Variants in NELL2 observed in about 807,000 individuals in gnomAD.
NELL2 encodes neural EGFL like 2.
NELL2 carries 41 observed loss-of-function variants against 109.6 expected under a neutral mutation model. The ratio of observed to expected loss-of-function variants is 0.37; its 90% CI spans 0.29 to 0.49. The LOEUF is 0.49. NELL2 is among the 20% of genes least tolerant of loss of function. The pLI, the probability that NELL2 is intolerant of heterozygous loss-of-function variation, is 0.98. For synonymous variants in NELL2, 355 were observed against 344.7 expected, an observed-to-expected ratio of 1.03 and a Z score of -0.33; for missense variants, 900 against 1,008.3, an observed-to-expected ratio of 0.89 and a Z score of 1.45.
At chr12:44,899,480 T>C (rs1945634762) in intron 1 of NELL2, among the ~76,000 whole-genome samples, 5 of 152,096 alleles carry the variant, frequency 3.3e-5, no homozygotes, top group Admixed American at 3.3e-4. Context: ...AGGGAAAGAA[T>C]TTTCCACCCA....
At chr12:44,697,607 T>C (rs983730362) in intron 12 of NELL2, among the ~76,000 whole-genome samples, 1 of 152,152 alleles carries the variant, frequency 6.6e-6, no homozygotes, top group African/African-American at 2.4e-5. Context: ...CAACTGGATA[T>C]AAGCCAATAT....
chr12:44,564,908 C>T lies in NELL2; in HGVS notation c.1664-32187G>A, dbSNP rs145385949. 7.9e-4 allele frequency among the ~76,000 whole-genome samples: 120 copies of T among 152,252 alleles called. 3 individuals are homozygous for T. The East Asian group carries it at 0.016, about 20-fold the overall frequency. On this transcript the variant is annotated intron_variant, in intron 15 of 19. Transcript: ENST00000429094. Reference sequence around the variant, plus strand: ...TCAACCCATGCACATTTGGAAGCTCCGCTTGAGAGTTAAACATTGAAAACA... The same window carrying T: ...TCAACCCATGCACATTTGGAAGCTCTGCTTGAGAGTTAAACATTGAAAACA...
chr12:44,789,832 T>C (rs1393383251), intron 3 of NELL2, among the ~76,000 whole-genome samples: 1 of 152,156 alleles, frequency 6.6e-6, no homozygotes, highest in Non-Finnish European at 1.5e-5. Flanking sequence ...CAAAGTGCTT[T>C]GGAAAGTCTC....
chr12:44,556,068 C>T (rs1943241460), intron 15 of NELL2, among the ~76,000 whole-genome samples: 1 of 152,152 alleles, frequency 6.6e-6, no homozygotes, highest in Non-Finnish European at 1.5e-5. Context: ...GCTTCTTTTG[C>T]CTGCATAATA....
chr12:44,864,936 A>G (rs2136817660), intron 2 of NELL2, among the ~76,000 whole-genome samples: 1 of 149,154 alleles, frequency 6.7e-6, no homozygotes, highest in East Asian at 2.0e-4. Flanking sequence ...ATCCCTGAGG[A>G]ATCGCCACAC....
intron 1 of NELL2, among the ~76,000 whole-genome samples, chr12:44,904,930 T>C (rs1357636663): frequency 6.6e-6 from 1 of 152,128 alleles, no homozygotes; most frequent in Non-Finnish European, 1.5e-5. Flanking sequence ...TATTCTATCA[T>C]GATTTCCCCA....
chr12:44,636,707 A>G (rs207472900), intron 13 of NELL2, among the ~76,000 whole-genome samples: 5 of 152,054 alleles, frequency 3.3e-5, no homozygotes, highest in Non-Finnish European at 5.9e-5. Context: ...GAGGATTTTC[A>G]TATCAATGTT....
intron 12 of NELL2, among the ~76,000 whole-genome samples, chr12:44,683,527 G>T (rs919226591): frequency 6.6e-6 from 1 of 151,962 alleles, no homozygotes; most frequent in African/African-American, 2.4e-5. Context: ...TCCAGTTTTT[G>T]CCCATTCAGT....
chr12:44,656,877 C>T, intron 13 of NELL2, among the ~76,000 whole-genome samples: 1 of 152,082 alleles, frequency 6.6e-6, no homozygotes, highest in East Asian at 1.9e-4. Context: ...TATTGTTTGT[C>T]CATACAATAA....
upstream of NELL2, among the ~76,000 whole-genome samples, chr12:44,879,942 T>C (rs1945391954): frequency 6.6e-6 from 1 of 151,814 alleles, no homozygotes; most frequent in African/African-American, 2.4e-5. Flanking sequence ...AAAAGTAGCA[T>C]TAAACTCCCA....
chr12:44,714,842 T>C, intron 9 of NELL2, 101 bp from the exon 10 acceptor site: 1 of 631,828 alleles, frequency 1.6e-6, no homozygotes, highest in South Asian at 3.0e-5. Flanking sequence ...ATACACCTTT[T>C]TTCAACATGT....
At chr12:44,842,296 C>G (rs1506677) in intron 2 of NELL2, among the ~76,000 whole-genome samples, 48,207 of 151,860 alleles carry the variant, frequency 0.32, 8,476 homozygotes, top group Non-Finnish European at 0.4. Flanking sequence ...GACATATTTA[C>G]GTGTTCAATA....
chr12:44,725,936 C>A (rs1939056392), intron 9 of NELL2, among the ~76,000 whole-genome samples: 1 of 152,046 alleles, frequency 6.6e-6, no homozygotes, highest in Admixed American at 6.6e-5. Context: ...ATACTATGTA[C>A]AACAAACCCC....
At chr12:44,795,506 T>C (rs1942586912) in intron 3 of NELL2, among the ~76,000 whole-genome samples, 1 of 152,110 alleles carries the variant, frequency 6.6e-6, no homozygotes, top group Admixed American at 6.5e-5. Flanking sequence ...ACTCAGTAAA[T>C]GGTAACTATT....
At chr12:44,791,183 C>CAT (rs748283455) in intron 3 of NELL2, among the ~76,000 whole-genome samples, 799 of 14,874 alleles carry the variant, frequency 0.054, 67 homozygotes, top group East Asian at 0.068. Context: ...AGTATTCCAT[C>CAT]ATATATATAT....
At chr12:44,652,767 T>C (rs1378660629) in intron 13 of NELL2, among the ~76,000 whole-genome samples, 1 of 152,216 alleles carries the variant, frequency 6.6e-6, no homozygotes, top group Non-Finnish European at 1.5e-5. Context: ...AAGTCCAACA[T>C]ACATCTACCA....
chr12:44,722,009 G>A (rs957970354), intron 9 of NELL2, among the ~76,000 whole-genome samples: 2 of 152,030 alleles, frequency 1.3e-5, no homozygotes, highest in African/African-American at 4.8e-5. Context: ...ATGGCACAAA[G>A]AGGAGGGAAG....
intron 2 of NELL2, among the ~76,000 whole-genome samples, chr12:44,834,924 G>A (rs1395127060): frequency 1.3e-5 from 2 of 152,130 alleles, no homozygotes; most frequent in South Asian, 2.1e-4. Flanking sequence ...GCCCACTCCC[G>A]TTTGGTTAAA....
rs896261978 is a variant in NELL2 at position 44,647,163 on chromosome 12, C to G, written c.1444+18321G>C. Among the ~76,000 whole-genome samples the G allele has an allele frequency of 4.6e-5, 7 of 152,116 alleles. No homozygotes were observed. In the East Asian group the frequency reaches 9.7e-4, roughly 21 times the overall value. On this transcript the variant is annotated intron_variant, in intron 13 of 19. Coordinates refer to ENST00000429094, the MANE Select transcript of NELL2 (RefSeq NM_001145108.2). ...AATGCCAAGGAGTGGGTAGCAGGGCCCCTATACAAATCCATCCGGGACTGG... is the reference window on the plus strand; with the variant it reads ...AATGCCAAGGAGTGGGTAGCAGGGCGCCTATACAAATCCATCCGGGACTGG...
Sources: allele counts gnomAD v4.1 joint callset (sites outside exome capture counted in the v4.1 genomes callset), GRCh38; gene constraint gnomAD v4.1.1; transcripts MANE v1.5; gene names NCBI Gene and HGNC (gene_info 2026-07-23, HGNC 2026-07-21).